APBB2: variants seen among roughly 807,000 people sequenced by gnomAD.
APBB2 encodes the protein amyloid beta precursor protein binding family B member 2, also known as Fe65-like 1.
In APBB2, 38 loss-of-function variants were observed where a neutral mutation model predicts 82.5. The observed-to-expected ratio is 0.46, with a 90% CI of 0.36 to 0.60. The LOEUF (loss-of-function observed/expected upper bound fraction) is 0.60. APBB2 is among the 20% of genes least tolerant of loss of function. The probability of loss-of-function intolerance (pLI) is 0.00; values close to 1 mark genes in which losing one functional copy is unlikely to be tolerated. For missense variants in APBB2, 772 were observed against 972.3 expected, an observed-to-expected ratio of 0.79 and a Z score of 2.74; for synonymous variants, 341 against 368.2, an observed-to-expected ratio of 0.93 and a Z score of 0.85.
intron 1 of APBB2, among the ~76,000 whole-genome samples, chr4:41,151,927 C>T (rs1762378510): frequency 6.6e-6 from 1 of 152,014 alleles, no homozygotes; most frequent in African/African-American, 2.4e-5. Flanking sequence ...ATTATATATA[C>T]ATTAGATCTT....
intron 10 of APBB2, among the ~76,000 whole-genome samples, chr4:40,912,059 A>G (rs1474284094): frequency 6.6e-6 from 1 of 152,236 alleles, no homozygotes; most frequent in Non-Finnish European, 1.5e-5. Flanking sequence ...GAATGCAATA[A>G]TATTTAGTTT....
At chr4:40,893,534 T>C (rs1772724531) in intron 10 of APBB2, 123 bp from the exon 11 acceptor site, 1 of 854,550 alleles carries the variant, frequency 1.2e-6, no homozygotes, top group Non-Finnish European at 1.7e-6. Flanking sequence ...TGCTTCATTA[T>C]GTTCAATCAT....
intron 12 of APBB2, among the ~76,000 whole-genome samples, chr4:40,861,787 T>A (rs1483835282): frequency 2.0e-5 from 3 of 149,284 alleles, no homozygotes; most frequent in Non-Finnish European, 4.4e-5. Context: ...CTGTAGTAAC[T>A]GAGTATTATG....
intron 12 of APBB2, among the ~76,000 whole-genome samples, chr4:40,866,355 G>C (rs1764030009): frequency 6.6e-6 from 1 of 152,160 alleles, no homozygotes; most frequent in South Asian, 2.1e-4. Context: ...ATGCTCAGGA[G>C]CTTACTGTTG....
rs1447041461 is a variant in APBB2, at chr4:41,127,340, A to AG, written c.-261+15646dup. ...ATTTGTACTGCGACAATACAACACA[A>AG]GGAAAAAAAAATCAAAGCATTCACT... On this transcript the variant is annotated intron_variant, in intron 2 of 17. Transcript: ENST00000508593. The surrounding 1 kb of genome is among the most constrained non-coding windows in gnomAD (Gnocchi z 4.8). Among the ~76,000 whole-genome samples, 2 of 152,232 alleles carry AG rather than the reference A, an allele frequency of 1.3e-5. No individual in the cohort carries two copies. The highest frequency in any genetic ancestry group is 2.9e-5 in the Non-Finnish European group (2 of 68,032).
intron 2 of APBB2, among the ~76,000 whole-genome samples, chr4:41,133,108 C>G (rs1756541217): frequency 6.6e-6 from 1 of 151,930 alleles, no homozygotes. Context: ...ACATTGATTC[C>G]ACAAGGCATT....
intron 2 of APBB2, among the ~76,000 whole-genome samples, chr4:41,107,827 C>T (rs1364327173): frequency 6.6e-6 from 1 of 151,896 alleles, no homozygotes; most frequent in Non-Finnish European, 1.5e-5. Context: ...ATGCCATGAA[C>T]CACAAAAACA....
At position 40,910,121 on chromosome 4, in the gene APBB2, A is replaced by ATT. The variant is rs34289899; in HGVS notation, c.1255-16712_1255-16711dup. ...AGGCACCCACCACCATGCCTGGCTA[A>ATT]TTTTTTTTTTTTTTTTTTGTAATTT... On this transcript the variant is annotated intron_variant, in intron 10 of 17. Transcript: ENST00000508593. 2.3e-3 allele frequency among the ~76,000 whole-genome samples: 335 copies of ATT among 142,774 alleles called. 1 individual carries two copies. The highest frequency in any genetic ancestry group is 8.0e-3 in the East Asian group (39 of 4,860). 93.7% of individuals were successfully genotyped at this position (142,774 alleles called of 152,430 possible).
intron 2 of APBB2, among the ~76,000 whole-genome samples, chr4:41,110,740 T>C (rs1748909766): frequency 6.6e-6 from 1 of 152,172 alleles, no homozygotes; most frequent in African/African-American, 2.4e-5. Flanking sequence ...GTGTTCTCTC[T>C]ACATGCTGCC....
At chr4:41,107,043 CTCATGCCTA>C (rs1230484615) in intron 2 of APBB2, among the ~76,000 whole-genome samples, 1 of 152,148 alleles carries the variant, frequency 6.6e-6, no homozygotes, top group Non-Finnish European at 1.5e-5. Context: ...GGCACAGTAG[CTCATGCCTA>C]TCATCTTAGC....
intron 13 of APBB2, among the ~76,000 whole-genome samples, chr4:40,828,048 G>C (rs905951542): frequency 1.3e-5 from 2 of 152,076 alleles, no homozygotes; most frequent in Non-Finnish European, 2.9e-5. Context: ...CATGTAAGAC[G>C]TGCCTTTCAC....
chr4:41,164,650 G>C (rs1766023781), intron 1 of APBB2, among the ~76,000 whole-genome samples: 1 of 152,156 alleles, frequency 6.6e-6, no homozygotes, highest in African/African-American at 2.4e-5. Context: ...GCCTGAAAAA[G>C]TGAAGTAATA....
At chr4:41,057,222 G>A (rs1477673755) in intron 4 of APBB2, among the ~76,000 whole-genome samples, 2 of 152,094 alleles carry the variant, frequency 1.3e-5, no homozygotes, top group African/African-American at 4.8e-5. Flanking sequence ...AGGCTGAGGC[G>A]GGCAGATCAC....
chr4:41,086,053 C>T (rs1285972441), intron 3 of APBB2, among the ~76,000 whole-genome samples: 1 of 152,004 alleles, frequency 6.6e-6, no homozygotes, highest in African/African-American at 2.4e-5. Flanking sequence ...AGTATAATTA[C>T]CAAAAAATTA....
intron 1 of APBB2, among the ~76,000 whole-genome samples, chr4:41,184,234 G>C (rs1772255754): frequency 6.6e-6 from 1 of 152,174 alleles, no homozygotes; most frequent in African/African-American, 2.4e-5. Flanking sequence ...TCCTCTTGCT[G>C]TGTGGCCCAG....
At chr4:41,168,346 T>C (rs1488490544) in intron 1 of APBB2, among the ~76,000 whole-genome samples, 1 of 152,064 alleles carries the variant, frequency 6.6e-6, no homozygotes, top group Non-Finnish European at 1.5e-5. Flanking sequence ...ATTTTGTCTG[T>C]TGAAGCCAAC....
chr4:41,199,976 G>A lies in APBB2; in HGVS notation c.-417+14429C>T, dbSNP rs561446356. Among the ~76,000 whole-genome samples the A allele has an allele frequency of 7.9e-5, 12 of 152,218 alleles. No individual in the cohort carries two copies. The Middle Eastern group carries it at 0.02, about 259-fold the overall frequency. ...AATTTGGCCCTTTAGACAGATTTGG[G>A]GAAATGATCTGGTATGAGTAATTGT... On this transcript the variant is annotated intron_variant, in intron 1 of 17. Transcript: ENST00000508593.
chr4:40,879,367 A>C (rs928901866), intron 12 of APBB2, among the ~76,000 whole-genome samples: 3 of 152,114 alleles, frequency 2.0e-5, no homozygotes, highest in Non-Finnish European at 2.9e-5. Context: ...TTTCTCTGTT[A>C]AAATATAACT....
At chr4:41,018,182 CT>C (rs146829545) in intron 5 of APBB2, among the ~76,000 whole-genome samples, 4,847 of 152,274 alleles carry the variant, frequency 0.032, 260 homozygotes, top group African/African-American at 0.11. Flanking sequence ...TCCTTGCACA[CT>C]TTTATTTCTG....
Sources: gnomAD v4.1 joint callset for allele counts (sites outside exome capture counted in the v4.1 genomes callset) on GRCh38, gnomAD v4.1.1 for gene constraint, Gnocchi (gnomAD v3.1) non-coding constraint, MANE v1.5 for transcripts, NCBI Gene and HGNC (gene_info 2026-07-23, HGNC 2026-07-21) for gene names.